The following COL21A1 variants were observed in gnomAD, a reference collection of about 807,000 sequenced individuals.
The protein encoded by COL21A1 is collagen alpha-1(XXI) chain.
In COL21A1, 149 loss-of-function variants were observed where a neutral mutation model predicts 137.9. The observed-to-expected ratio is 1.08, with a 90% CI of 0.95 to 1.24. COL21A1 has a LOEUF of 1.24. Among genes scored for constraint, COL21A1 ranks in the 50% most tolerant of loss-of-function variants. The pLI is 0.00. For synonymous variants in COL21A1, 456 were observed against 391.5 expected, an observed-to-expected ratio of 1.16 and a Z score of -1.95; for missense variants, 1,167 against 1,158.4, an observed-to-expected ratio of 1.01 and a Z score of -0.11.
chr6:56,207,120 A>G (rs999794415), intron 1 of COL21A1, among the ~76,000 whole-genome samples: 12 of 152,178 alleles, frequency 7.9e-5, no homozygotes, highest in African/African-American at 2.7e-4. Context: ...TAACATCAAA[A>G]TTAAAAGAAC....
intron 1 of COL21A1, among the ~76,000 whole-genome samples, chr6:56,380,362 T>C (rs1428622872): frequency 6.6e-6 from 1 of 152,208 alleles, no homozygotes; most frequent in Non-Finnish European, 1.5e-5. Flanking sequence ...TATTCTTTTA[T>C]AGCAATGCAA....
At chr6:56,156,776 C>T in intron 10 of COL21A1, 111 bp downstream of exon 10, 1 of 852,490 alleles carries the variant, frequency 1.2e-6, no homozygotes, top group Non-Finnish European at 1.9e-6. Context: ...CTTCCTATGG[C>T]AGCAGTCATG....
intron 1 of COL21A1, among the ~76,000 whole-genome samples, chr6:56,272,907 C>T (rs1037712677): frequency 6.6e-6 from 1 of 152,164 alleles, no homozygotes; most frequent in African/African-American, 2.4e-5. Context: ...ATGAATTACC[C>T]AGTCTCAGGT....
intron 1 of COL21A1, among the ~76,000 whole-genome samples, chr6:56,339,055 A>G (rs1448696388): frequency 6.6e-6 from 1 of 152,212 alleles, no homozygotes; most frequent in African/African-American, 2.4e-5. Context: ...AGCATAGCAT[A>G]TTACATATTA....
intron 1 of COL21A1, among the ~76,000 whole-genome samples, chr6:56,318,151 CA>C (rs1764784170): frequency 1.3e-5 from 2 of 152,194 alleles, no homozygotes; most frequent in East Asian, 1.9e-4. Flanking sequence ...ATTTTCATCA[CA>C]AAAAAATGTT....
chr6:56,256,720 T>C (rs1309981501), intron 1 of COL21A1, among the ~76,000 whole-genome samples: 1 of 152,074 alleles, frequency 6.6e-6, no homozygotes, highest in Non-Finnish European at 1.5e-5. Context: ...AAACCCCTTT[T>C]TTAAAAAGGG....
rs1173529450 is a variant in COL21A1 at position 56,130,162 on chromosome 6, GTT to G, written c.1543-4015_1543-4014del. ...CCTCCCTGAGAGCATTCATGACAGG[GTT>G]TTATATATATATATATATATATATA... On this transcript the variant is annotated intron_variant, in intron 12 of 29. Transcript: ENST00000244728. 1.5e-4 allele frequency among the ~76,000 whole-genome samples: 14 copies of G among 94,570 alleles called. No homozygotes were observed. The East Asian group carries it at 2.8e-3, about 19-fold the overall frequency. The allele number at this position is 94,570 out of a possible 152,430, so 62.0% of individuals were successfully genotyped here. A position where few individuals can be genotyped will look rare whatever the true frequency, so the allele number is the denominator to read the frequency against.
At chr6:56,349,087 A>T (rs1765656540) in intron 1 of COL21A1, among the ~76,000 whole-genome samples, 1 of 152,214 alleles carries the variant, frequency 6.6e-6, no homozygotes, top group African/African-American at 2.4e-5. Flanking sequence ...AAAAGAGCAA[A>T]GAATAGCTTC....
chr6:56,312,442 T>G (rs1423108915), intron 1 of COL21A1, among the ~76,000 whole-genome samples: 1 of 152,134 alleles, frequency 6.6e-6, no homozygotes, highest in African/African-American at 2.4e-5. Context: ...ACTGGGAACA[T>G]GTTGGTATTT....
chr6:56,096,166 C>G (rs1252231301), intron 17 of COL21A1, among the ~76,000 whole-genome samples: 4 of 148,108 alleles, frequency 2.7e-5, no homozygotes, highest in Non-Finnish European at 6.0e-5. Flanking sequence ...TTTTTTTAAA[C>G]AATGCATACC....
At chr6:56,258,196 A>C (rs1763161729) in intron 1 of COL21A1, among the ~76,000 whole-genome samples, 1 of 152,136 alleles carries the variant, frequency 6.6e-6, no homozygotes, top group Non-Finnish European at 1.5e-5. Context: ...TATTTTTAGC[A>C]ATAACTTTTA....
chr6:56,102,144 A>T (rs2152168979), intron 16 of COL21A1, among the ~76,000 whole-genome samples: 1 of 152,268 alleles, frequency 6.6e-6, no homozygotes, highest in South Asian at 2.1e-4. Flanking sequence ...TGGAAGCTAA[A>T]TTTTTTTCCT....
rs1766512091 is a variant in COL21A1, at chr6:56,069,097, A to G, written c.2040T>C (p.Gly680=). 6.2e-7 allele frequency: 1 copy of G among 1,600,316 alleles called. No homozygotes were observed. The highest frequency in any genetic ancestry group is 8.5e-7 in the Non-Finnish European group (1 of 1,173,234). The stretch of plus-strand genomic sequence containing the variant: ...CCATGTATCCTGGTTCTCCTGGGGA[A>G]CCCGTTGCTCCTGGTTCTCCCTATG... ...SGLKGEPGAT[G]SPGEPGYMGL... Residue 680 remains glycine, a synonymous_variant, in exon 22 of 30, where the codon GGT becomes GGC. Transcript: ENST00000244728.
chr6:56,297,608 G>T (rs1582763682), intron 1 of COL21A1, among the ~76,000 whole-genome samples: 3 of 152,196 alleles, frequency 2.0e-5, no homozygotes, highest in South Asian at 4.1e-4. Flanking sequence ...TGAGCAACTG[G>T]CTGTTCTAAC....
chr6:56,077,757 T>C, intron 17 of COL21A1, 184 bp from the exon 18 acceptor site: 1 of 516,342 alleles, frequency 1.9e-6, no homozygotes, highest in Non-Finnish European at 3.4e-6. Flanking sequence ...TAGCATTATA[T>C]GAATATTACT....
At chr6:56,380,320 C>T (rs2094006730) in intron 1 of COL21A1, among the ~76,000 whole-genome samples, 1 of 152,182 alleles carries the variant, frequency 6.6e-6, no homozygotes, top group South Asian at 2.1e-4. Flanking sequence ...GCCAAATAAA[C>T]CGCTTTTCTT....
At chr6:56,281,109 C>T (rs1163863271) in intron 1 of COL21A1, among the ~76,000 whole-genome samples, 1 of 152,222 alleles carries the variant, frequency 6.6e-6, no homozygotes, top group East Asian at 1.9e-4. Context: ...AGCTCAACAT[C>T]TCAAACCCCT....
chr6:56,273,269 C>A (rs1028477874), intron 1 of COL21A1, among the ~76,000 whole-genome samples: 8 of 152,126 alleles, frequency 5.3e-5, no homozygotes, highest in Non-Finnish European at 7.4e-5. Flanking sequence ...GTGCTAAACA[C>A]CTTCATCGAG....
At position 56,362,001 on chromosome 6, in the gene COL21A1, A is replaced by G. The variant is rs56346622; in HGVS notation, c.-39+31970T>C. Among the ~76,000 whole-genome samples the G allele has an allele frequency of 7.5e-3, 1,136 of 152,264 alleles. 10 individuals are homozygous for G. The highest frequency in any genetic ancestry group is 0.026 in the African/African-American group (1,069 of 41,544). ...AGGAACAGTCACCTTCCTGGTCACT[A>G]AGAGGATATGAATCAGGTCTCCAGG... On this transcript the variant is annotated intron_variant, in intron 1 of 28. Coordinates refer to the COL21A1 transcript ENST00000370819.
Sources: allele counts gnomAD v4.1 joint callset (sites outside exome capture counted in the v4.1 genomes callset), GRCh38; gene constraint gnomAD v4.1.1; transcripts MANE v1.5; gene names NCBI Gene and HGNC (gene_info 2026-07-23, HGNC 2026-07-21).